Variants in RNF168 observed in about 807,000 individuals in gnomAD.
RNF168 encodes the protein ring finger protein 168.
Under a neutral mutation model 34.9 loss-of-function variants are expected in RNF168, and 34 were observed. The ratio of observed to expected loss-of-function variants is 0.97; its 90% CI spans 0.74 to 1.30. The LOEUF (loss-of-function observed/expected upper bound fraction) is 1.30. RNF168 is among the 50% of genes most tolerant of loss of function. RNF168 has a pLI of 0.00. For synonymous variants in RNF168, 264 were observed against 254.7 expected (o/e 1.04, Z -0.35); for missense variants, 725 against 682.5 (o/e 1.06, Z -0.69).
At chr3:196,501,722 A>G (rs1732891359) in intron 1 of RNF168, among the ~76,000 whole-genome samples, 1 of 152,176 alleles carries the variant, frequency 6.6e-6, no homozygotes, top group South Asian at 2.1e-4. Context: ...CATTTTGGAC[A>G]ATATTTTAAA....
intron 1 of RNF168, among the ~76,000 whole-genome samples, chr3:196,500,001 T>C (rs990248011): frequency 1.3e-5 from 2 of 151,990 alleles, no homozygotes; most frequent in Non-Finnish European, 1.5e-5. Context: ...ACCCAGAAAA[T>C]AGCAAGTGTT....
At chr3:196,475,664 C>CCT (rs1157141916) in intron 4 of RNF168, among the ~76,000 whole-genome samples, 2 of 149,640 alleles carry the variant, frequency 1.3e-5, no homozygotes, top group Non-Finnish European at 3.0e-5. Flanking sequence ...CATTCTCCTG[C>CCT]CTCAGCCTCC....
chr3:196,470,608 C>T lies in RNF168; in HGVS notation c.*1211G>A, dbSNP rs1229912037. The T allele has an allele frequency of 6.6e-6, 1 of 151,444 alleles. No individual in the cohort carries two copies. The highest frequency in any genetic ancestry group is 6.6e-5 in the Admixed American group (1 of 15,046). The allele number at this position is 151,444 out of a possible 1,614,324, so 9.4% of individuals were successfully genotyped here. ...TTCAATGATCCAGACTGTCAGTCAC[C>T]CCATCCAGCCTCAGCCTCATCCTCG... is the stretch of plus-strand genomic sequence containing the variant. On this transcript the variant is annotated 3_prime_UTR_variant, in exon 6 of 6. Coordinates refer to ENST00000318037, the MANE Select transcript of RNF168 (RefSeq NM_152617.4).
At position 196,471,738 on chromosome 3, in the gene RNF168, C is replaced by T. The variant is rs1732011830; in HGVS notation, c.*81G>A. 4.3e-6 allele frequency: 4 copies of T among 929,390 alleles called. No individual in the cohort carries two copies. The highest frequency in any genetic ancestry group is 3.9e-5 in the South Asian group (3 of 76,032). 57.6% of individuals were successfully genotyped at this position (929,390 alleles called of 1,614,324 possible). On this transcript the variant is annotated 3_prime_UTR_variant, in exon 6 of 6. Transcript: ENST00000318037. ...TGTGCCTAGAGAGCAGCATGAATGACACATGGATGAAGATTCCATGATAGG... is the reference window on the plus strand; with the variant it reads ...TGTGCCTAGAGAGCAGCATGAATGATACATGGATGAAGATTCCATGATAGG...
intron 1 of RNF168, among the ~76,000 whole-genome samples, chr3:196,489,300 T>C (rs774788785): frequency 6.6e-6 from 1 of 151,666 alleles, no homozygotes; most frequent in Non-Finnish European, 1.5e-5. Context: ...CAGCAGAAAT[T>C]AGCAGAGGAG....
chr3:196,473,330 A>G lies in RNF168; in HGVS notation c.763-558T>C, dbSNP rs78197766. On this transcript the variant is annotated intron_variant, in intron 5 of 5. Transcript: ENST00000318037. ...AATTAAGATATACAGTAGCTTTACA[A>G]AAGGAACAATTTATGTTGTAAACAC... Among the ~76,000 whole-genome samples, 15 of 152,332 alleles carry G rather than the reference A, an allele frequency of 9.8e-5. No homozygotes were observed. In the East Asian group the frequency reaches 2.7e-3, roughly 27 times the overall value.
rs1386478445 is a variant in RNF168, at chr3:196,469,875, G to A, written c.*1944C>T. 4 of 152,172 alleles carry A rather than the reference G, an allele frequency of 2.6e-5. No individual in the cohort carries two copies. Among genetic ancestry groups the A allele is most frequent in the African/African-American group, 9.6e-5 (4 of 41,458 alleles). The allele number at this position is 152,172 out of a possible 1,614,324, so 9.4% of individuals were successfully genotyped here. On this transcript the variant is annotated 3_prime_UTR_variant, in exon 6 of 6. Transcript: ENST00000318037. The stretch of plus-strand genomic sequence containing the variant: ...CCCATTTTTTTCTGGAATAGCAGAT[G>A]CATAGAAATGCAGGTTTCCAAAAAT...
At chr3:196,497,709 T>C (rs1465988242) in intron 1 of RNF168, among the ~76,000 whole-genome samples, 1 of 149,820 alleles carries the variant, frequency 6.7e-6, no homozygotes, top group African/African-American at 2.5e-5. Flanking sequence ...GAAAAAAAAA[T>C]AGCAATATCT....
chr3:196,488,342 C>T (rs1165668772), intron 2 of RNF168, among the ~76,000 whole-genome samples: 8 of 151,794 alleles, frequency 5.3e-5, no homozygotes, highest in Non-Finnish European at 8.8e-5. Flanking sequence ...ATTAGCCAGG[C>T]GTAGTGGCGG....
chr3:196,489,252 T>C (rs1407888529), intron 1 of RNF168, among the ~76,000 whole-genome samples: 3 of 151,898 alleles, frequency 2.0e-5, no homozygotes, highest in Non-Finnish European at 4.4e-5. Context: ...TCCATTAAAA[T>C]AACAGTAAAG....
Position 196,471,928 on chromosome 3 carries a change from A to G in RNF168, c.1607T>C (p.Met536Thr). ...ACAGTGATCTCTAGTAGAATTTGGC[A>G]TCTTTCTTCTATTAACTGACTGCTT... ...QLKQSVNRRK[M>T]PNSTRDHCKV... Residue 536 changes from methionine (M) to threonine (T), a missense_variant, in exon 6 of 6, where the codon ATG becomes ACG. By Grantham distance (81) the Met-to-Thr change is moderately conservative. Coordinates refer to ENST00000318037, the MANE Select transcript of RNF168 (RefSeq NM_152617.4). The G allele has an allele frequency of 6.2e-7, 1 of 1,613,860 alleles. No individual in the cohort carries two copies. Among genetic ancestry groups the G allele is most frequent in the East Asian group, 2.2e-5 (1 of 44,880 alleles).
intron 3 of RNF168, 25 bp from the exon 4 acceptor site, chr3:196,483,916 A>C: frequency 6.4e-7 from 1 of 1,555,322 alleles, no homozygotes; most frequent in Non-Finnish European, 8.9e-7. Context: ...AAAGCATAAC[A>C]GACATTATGA....
In RNF168 at chr3:196,469,705, A is replaced by C. The variant is rs1386108380; in HGVS notation, c.*2114T>G. On this transcript the variant is annotated 3_prime_UTR_variant, in exon 6 of 6. Transcript: ENST00000318037. ...TTAACTTTCAGGAGTAAGAAAGGGC[A>C]AAACCCAAGCACCATACTTTCTATT... is the stretch of plus-strand genomic sequence containing the variant. 6.6e-6 allele frequency: 1 copy of C among 152,224 alleles called. No homozygotes were observed. The highest frequency in any genetic ancestry group is 6.5e-5 in the Admixed American group (1 of 15,278). The allele number at this position is 152,224 out of a possible 1,614,324, so 9.4% of individuals were successfully genotyped here. A position where few individuals can be genotyped will look rare whatever the true frequency, so the allele number is the denominator to read the frequency against.
intron 1 of RNF168, among the ~76,000 whole-genome samples, chr3:196,495,820 T>C (rs1732728722): frequency 6.6e-6 from 1 of 152,204 alleles, no homozygotes; most frequent in Non-Finnish European, 1.5e-5. Flanking sequence ...ATTTTTACAG[T>C]GACAGTCGCA....
chr3:196,488,692 T>C lies in RNF168; in HGVS notation c.302-9A>G, dbSNP rs377631557. On this transcript the variant is annotated splice_polypyrimidine_tract_variant and intron_variant, in intron 1 of 5. Transcript: ENST00000318037. ...TGGCTGATAGTCATCAGCTATTTCA[T>C]ATCAAAAAAGAAAATAACATTATAG... 2 of 1,574,844 alleles carry C rather than the reference T, an allele frequency of 1.3e-6. No homozygotes were observed. Among genetic ancestry groups the C allele is most frequent in the Non-Finnish European group, 8.7e-7 (1 of 1,145,194 alleles).
At position 196,478,977 on chromosome 3, in the gene RNF168, G is replaced by T. The variant is rs369198086; in HGVS notation, c.681-3665C>A. 5.4e-5 allele frequency among the ~76,000 whole-genome samples: 8 copies of T among 149,454 alleles called. No individual in the cohort carries two copies. The East Asian group carries it at 1.2e-3, about 22-fold the overall frequency. On this transcript the variant is annotated intron_variant, in intron 4 of 5. Coordinates refer to ENST00000318037, the MANE Select transcript of RNF168 (RefSeq NM_152617.4). ...CCACCTCGGCTTCCCAAAGTGTTAG[G>T]ATTACAGGTGTGAGCCACCGCACCT...
intron 4 of RNF168, among the ~76,000 whole-genome samples, chr3:196,478,841 A>G (rs1316449599): frequency 1.4e-5 from 2 of 147,540 alleles, no homozygotes; most frequent in African/African-American, 2.5e-5. Flanking sequence ...GAATTTTTGT[A>G]TTTTTGGTAG....
intron 3 of RNF168, among the ~76,000 whole-genome samples, chr3:196,484,471 GCCTTTTTTT>G (rs1213562367): frequency 2.9e-4 from 35 of 120,298 alleles, no homozygotes; most frequent in African/African-American, 1.2e-3. Context: ...ACCGCGCCCG[GCCTTTTTTT>G]TTTTTTTTTT....
chr3:196,480,352 T>C (rs1316407119), intron 4 of RNF168, among the ~76,000 whole-genome samples: 1 of 152,212 alleles, frequency 6.6e-6, no homozygotes, highest in Non-Finnish European at 1.5e-5. Context: ...TTTGAAAGTC[T>C]CCTATGGGGC....
Sources: allele counts gnomAD v4.1 joint callset (sites outside exome capture counted in the v4.1 genomes callset), GRCh38; gene constraint gnomAD v4.1.1; transcripts MANE v1.5; gene names NCBI Gene and HGNC (gene_info 2026-07-23, HGNC 2026-07-21).